LMBR1: variants seen among roughly 807,000 people sequenced by gnomAD.
LMBR1 encodes limb development membrane protein 1.
Under a neutral mutation model 73.9 loss-of-function variants are expected in LMBR1, and 52 were observed. That is an observed-to-expected ratio of 0.70 (90% CI 0.56 to 0.89). The LOEUF is 0.89. LMBR1 is among the 40% of genes least tolerant of loss of function. The pLI is 0.00. For synonymous variants in LMBR1, 215 were observed against 209.4 expected, an observed-to-expected ratio of 1.03 and a Z score of -0.23; for missense variants, 539 against 579.8, an observed-to-expected ratio of 0.93 and a Z score of 0.72.
intron 10 of LMBR1, among the ~76,000 whole-genome samples, chr7:156,732,281 C>T (rs1270056895): frequency 6.6e-6 from 1 of 152,152 alleles, no homozygotes; most frequent in Non-Finnish European, 1.5e-5. Flanking sequence ...AAACAAACCA[C>T]ACAAGCCCTT....
At chr7:156,820,799 G>T (rs1169022992) in intron 4 of LMBR1, among the ~76,000 whole-genome samples, 1 of 152,180 alleles carries the variant, frequency 6.6e-6, no homozygotes, top group Non-Finnish European at 1.5e-5. Context: ...CAGAAGGAGG[G>T]AAGGCTCTGC....
chr7:156,724,885 CTTCT>C (rs1815389893), intron 14 of LMBR1, among the ~76,000 whole-genome samples: 2 of 150,780 alleles, frequency 1.3e-5, no homozygotes, highest in South Asian at 4.2e-4. Flanking sequence ...ATTAGTTATT[CTTCT>C]TTGTCAGCCT....
At chr7:156,857,739 T>C (rs189330592) in intron 1 of LMBR1, among the ~76,000 whole-genome samples, 86 of 152,260 alleles carry the variant, frequency 5.6e-4, no homozygotes, top group Non-Finnish European at 8.7e-4. Flanking sequence ...TTTAAAACAA[T>C]ATAATTCCTA....
intron 1 of LMBR1, among the ~76,000 whole-genome samples, chr7:156,845,543 A>C (rs1273978604): frequency 6.6e-6 from 1 of 152,154 alleles, no homozygotes; most frequent in Non-Finnish European, 1.5e-5. Flanking sequence ...AAAAGAAAAC[A>C]CTGATAGAAT....
intron 1 of LMBR1, among the ~76,000 whole-genome samples, chr7:156,879,082 T>C (rs1393519493): frequency 6.6e-6 from 1 of 152,174 alleles, no homozygotes; most frequent in East Asian, 1.9e-4. Flanking sequence ...GACCTGAAAC[T>C]ATAAAAATTC....
In LMBR1 at chr7:156,756,367, C is replaced by T. The variant is rs753958106; in HGVS notation, c.757+26G>A. On this transcript the variant is annotated intron_variant, in intron 9 of 16. Transcript: ENST00000353442. ...GAAATTAAAAAGATTTTTTTATCCC[C>T]GTCTAAATATGTAATATAAACATAC... 1.1e-5 allele frequency: 12 copies of T among 1,052,030 alleles called. No homozygotes were observed. The Admixed American group carries it at 1.3e-4, about 11-fold the overall frequency. 65.2% of individuals were successfully genotyped at this position (1,052,030 alleles called of 1,614,324 possible).
At position 156,743,074 on chromosome 7, in the gene LMBR1, TG is replaced by T. The variant is rs751474715; in HGVS notation, c.758-8818del. On this transcript the variant is annotated intron_variant, in intron 9 of 16. Coordinates refer to ENST00000353442, the MANE Select transcript of LMBR1 (RefSeq NM_022458.4). ...TTCATGATACAAACCTTTAGAAAAT[TG>T]GTACCTTGGATGGAGCGAAAAGATG... is the stretch of plus-strand genomic sequence containing the variant. Among the ~76,000 whole-genome samples, 15 of 152,106 alleles carry T rather than the reference TG, an allele frequency of 9.9e-5. No homozygotes were observed. The East Asian group carries it at 1.5e-3, about 16-fold the overall frequency.
chr7:156,835,666 G>A (rs1366883476), intron 2 of LMBR1, among the ~76,000 whole-genome samples: 2 of 145,114 alleles, frequency 1.4e-5, no homozygotes, highest in East Asian at 2.0e-4. Context: ...CTGCACTCCC[G>A]CCTGGGCGAC....
At chr7:156,775,804 C>G (rs1255539133) in intron 5 of LMBR1, among the ~76,000 whole-genome samples, 1 of 151,878 alleles carries the variant, frequency 6.6e-6, no homozygotes, top group African/African-American at 2.4e-5. Flanking sequence ...TTCCAAGAGA[C>G]TGGAACCCAA....
At chr7:156,862,985 C>T (rs927875275) in intron 1 of LMBR1, among the ~76,000 whole-genome samples, 42 of 152,290 alleles carry the variant, frequency 2.8e-4, no homozygotes, top group Admixed American at 1.9e-3. Context: ...TCCATAATCA[C>T]GGAGCCAATC....
At chr7:156,700,538 TATA>T (rs1809435479) in intron 15 of LMBR1, among the ~76,000 whole-genome samples, 1 of 152,012 alleles carries the variant, frequency 6.6e-6, no homozygotes, top group Admixed American at 6.6e-5. Flanking sequence ...AAACTTAAAG[TATA>T]ATAATAATAA....
intron 10 of LMBR1, among the ~76,000 whole-genome samples, chr7:156,730,962 G>C (rs1207072544): frequency 1.3e-5 from 2 of 151,016 alleles, no homozygotes; most frequent in Non-Finnish European, 2.9e-5. Context: ...AATGGAAAAA[G>C]AGGGAAAAAA....
intron 14 of LMBR1, 22 bp from the exon 15 acceptor site, chr7:156,724,200 A>G (rs187716542): frequency 6.3e-7 from 1 of 1,583,560 alleles, no homozygotes; most frequent in South Asian, 1.1e-5. Context: ...AACGAGAAAG[A>G]ATATTGGGCA....
intron 5 of LMBR1, among the ~76,000 whole-genome samples, chr7:156,781,900 T>C (rs1827192937): frequency 6.6e-6 from 1 of 152,232 alleles, no homozygotes; most frequent in African/African-American, 2.4e-5. Context: ...ACATTCACAC[T>C]GTTATGGTAC....
Position 156,685,013 on chromosome 7 carries a change from A to G in LMBR1, c.1388-850T>C, listed in dbSNP as rs1349832373. On this transcript the variant is annotated intron_variant, in intron 16 of 16. Transcript: ENST00000353442. This position sits in a 1 kb window ranked among gnomAD's most constrained non-coding sequence, Gnocchi z 4.1. ...CCCTTACACACATGCAGGAAAATGTAGGGAAAGCCACAGCCAAATATTAAT... is the reference window on the plus strand; with the variant it reads ...CCCTTACACACATGCAGGAAAATGTGGGGAAAGCCACAGCCAAATATTAAT... Among the ~76,000 whole-genome samples the G allele has an allele frequency of 1.3e-5, 2 of 152,340 alleles. No individual in the cohort carries two copies. The highest frequency in any genetic ancestry group is 1.5e-5 in the Non-Finnish European group (1 of 68,022).
chr7:156,845,632 C>T (rs1839460015), intron 1 of LMBR1, among the ~76,000 whole-genome samples: 1 of 149,874 alleles, frequency 6.7e-6, no homozygotes, highest in Admixed American at 6.7e-5. Flanking sequence ...CTGATGGTAA[C>T]AAAAAAGAAA....
intron 15 of LMBR1, among the ~76,000 whole-genome samples, chr7:156,704,438 C>A (rs1400863874): frequency 6.6e-6 from 1 of 151,734 alleles, no homozygotes; most frequent in Non-Finnish European, 1.5e-5. Flanking sequence ...GTCACATAGT[C>A]AAGAAAAAAA....
intron 3 of LMBR1, among the ~76,000 whole-genome samples, chr7:156,829,089 C>T (rs1298351078): frequency 1.3e-5 from 2 of 152,170 alleles, no homozygotes; most frequent in Non-Finnish European, 1.5e-5. Context: ...CAATCCGACC[C>T]CAGCCAACGG....
Position 156,733,331 on chromosome 7 carries a change from GAACT to G in LMBR1, c.838+842_838+845del, listed in dbSNP as rs1017606247. Among the ~76,000 whole-genome samples, 8 of 152,042 alleles carry G rather than the reference GAACT, an allele frequency of 5.3e-5. No individual in the cohort carries two copies. In the East Asian group the frequency reaches 9.6e-4, roughly 18 times the overall value. ...AAATCAATCAATCAAAACATATCAA[GAACT>G]AACACAAATGTTAGAAGTAGCAGAC... On this transcript the variant is annotated intron_variant, in intron 10 of 16. Transcript: ENST00000353442.
Sources: gnomAD v4.1 joint callset for allele counts (sites outside exome capture counted in the v4.1 genomes callset) on GRCh38, gnomAD v4.1.1 for gene constraint, Gnocchi (gnomAD v3.1) non-coding constraint, MANE v1.5 for transcripts, NCBI Gene and HGNC (gene_info 2026-07-23, HGNC 2026-07-21) for gene names.